The following TAOK1 variants were observed in gnomAD, a reference collection of about 807,000 sequenced individuals.
TAOK1 encodes the protein TAO kinase 1.
Under a neutral mutation model 138.3 loss-of-function variants are expected in TAOK1, and 21 were observed. The observed-to-expected ratio is 0.15, with a 90% confidence interval of 0.11 to 0.22. The LOEUF is 0.22. TAOK1 is among the 10% of genes least tolerant of loss of function. The pLI, the probability that TAOK1 is intolerant of heterozygous loss-of-function variation, is 1.00. For missense variants in TAOK1, 651 were observed against 1,227.7 expected, an observed-to-expected ratio of 0.53 and a Z score of 7.02; for synonymous variants, 361 against 398.4, an observed-to-expected ratio of 0.91 and a Z score of 1.12.
At chr17:29,434,279 C>G (rs1054717157) in intron 1 of TAOK1, among the ~76,000 whole-genome samples, 3 of 152,018 alleles carry the variant, frequency 2.0e-5, no homozygotes, top group Non-Finnish European at 4.4e-5. Flanking sequence ...AGGGGAGTGT[C>G]TTGTAGTACA....
At chr17:29,395,824 A>ATT (rs1187461666) in intron 1 of TAOK1, among the ~76,000 whole-genome samples, 24,408 of 72,010 alleles carry the variant, frequency 0.34, 4,821 homozygotes, top group East Asian at 0.75. Flanking sequence ...CGTCTGGCTA[A>ATT]TTTTTTTTTT....
At chr17:29,466,032 G>A (rs1405754549) in intron 2 of TAOK1, among the ~76,000 whole-genome samples, 3 of 151,800 alleles carry the variant, frequency 2.0e-5, no homozygotes, top group Non-Finnish European at 2.9e-5. Flanking sequence ...TACATTTAGC[G>A]TTAGGCCTGT....
chr17:29,529,636 C>T (rs943750288), intron 17 of TAOK1, among the ~76,000 whole-genome samples: 4 of 152,120 alleles, frequency 2.6e-5, no homozygotes, highest in African/African-American at 7.2e-5. Flanking sequence ...GAGGCCAAGG[C>T]AGGCAGATCA....
intron 1 of TAOK1, among the ~76,000 whole-genome samples, chr17:29,397,097 C>T (rs543437874): frequency 7.7e-4 from 114 of 148,158 alleles, no homozygotes; most frequent in Non-Finnish European, 1.3e-3. Context: ...GAGTTGCAGA[C>T]GAGCCTGGCC....
intron 13 of TAOK1, among the ~76,000 whole-genome samples, chr17:29,505,591 C>T (rs565708145): frequency 6.6e-6 from 1 of 151,558 alleles, no homozygotes; most frequent in Admixed American, 6.6e-5. Flanking sequence ...AATCCCAGCT[C>T]CTCGGGAGGT....
chr17:29,486,463 T>C (rs2031175989), intron 8 of TAOK1, among the ~76,000 whole-genome samples: 1 of 152,116 alleles, frequency 6.6e-6, no homozygotes, highest in African/African-American at 2.4e-5. Flanking sequence ...TGAAACCTCA[T>C]CTATACTAAA....
At chr17:29,499,441 AG>A (rs202067547) in intron 12 of TAOK1, among the ~76,000 whole-genome samples, 2,402 of 151,928 alleles carry the variant, frequency 0.016, 29 homozygotes, top group Admixed American at 0.028. Flanking sequence ...CATGTTGGCC[AG>A]GCTAGTCTCA....
intron 8 of TAOK1, among the ~76,000 whole-genome samples, chr17:29,482,641 G>C (rs1018005915): frequency 2.6e-5 from 4 of 151,776 alleles, no homozygotes; most frequent in African/African-American, 9.7e-5. Flanking sequence ...ATAACTAGCT[G>C]GGGTAGTTAC....
intron 14 of TAOK1, among the ~76,000 whole-genome samples, chr17:29,509,815 G>A (rs976015412): frequency 6.6e-6 from 1 of 151,822 alleles, no homozygotes; most frequent in Non-Finnish European, 1.5e-5. Context: ...AAGATCACTT[G>A]AGCTCAGGAG....
chr17:29,523,280 GA>G (rs754064179), intron 17 of TAOK1, among the ~76,000 whole-genome samples: 35 of 141,876 alleles, frequency 2.5e-4, no homozygotes, highest in Non-Finnish European at 2.5e-4. Context: ...CTACTAGTTA[GA>G]AAAAAAAAAA....
chr17:29,550,235 T>A lies in TAOK1; in HGVS notation c.*7213T>A, dbSNP rs1460541513. On this transcript the variant is annotated 3_prime_UTR_variant, in exon 20 of 20. Transcript: ENST00000261716. ...AAATTTGTTTTGTTTTGTTTTGTTA[T>A]TTTTTAGGGAACTCTTTTGCAAAAG... 1 of 152,224 alleles carries A rather than the reference T, an allele frequency of 6.6e-6. No homozygotes were observed. The highest frequency in any genetic ancestry group is 2.4e-5 in the African/African-American group (1 of 41,448). 9.4% of individuals were successfully genotyped at this position (152,224 alleles called of 1,614,324 possible). A position where few individuals can be genotyped will look rare whatever the true frequency, so the allele number is the denominator to read the frequency against.
At chr17:29,494,959 A>G (rs1160189727) in intron 10 of TAOK1, among the ~76,000 whole-genome samples, 1 of 152,142 alleles carries the variant, frequency 6.6e-6, no homozygotes, top group African/African-American at 2.4e-5. Context: ...ATTTATGAAA[A>G]GTATATTACA....
intron 13 of TAOK1, among the ~76,000 whole-genome samples, chr17:29,507,459 T>G (rs1326386038): frequency 6.6e-6 from 1 of 152,104 alleles, no homozygotes; most frequent in Admixed American, 6.6e-5. Context: ...GGTTTATTTG[T>G]TTTTTCCTAT....
Position 29,491,779 on chromosome 17 carries a change from A to G in TAOK1, c.750-5A>G. 4 of 1,609,420 alleles carry G rather than the reference A, an allele frequency of 2.5e-6. No homozygotes were observed. Among genetic ancestry groups the G allele is most frequent in the Non-Finnish European group, 2.6e-6 (3 of 1,175,944 alleles). On this transcript the variant is annotated splice_polypyrimidine_tract_variant and splice_region_variant and intron_variant, in intron 9 of 19. Transcript: ENST00000261716. ...GTGTTCACTTGATACTTTCCTTTAC[A>G]ATAGGTCTGATTATTTTCGCAACTT...
chr17:29,392,364 C>T (rs1031555894), intron 1 of TAOK1, among the ~76,000 whole-genome samples: 4 of 152,066 alleles, frequency 2.6e-5, no homozygotes, highest in African/African-American at 9.7e-5. Context: ...ACAAACCTTT[C>T]TGCAGCTGTT....
intron 1 of TAOK1, among the ~76,000 whole-genome samples, chr17:29,450,998 T>G (rs2030217272): frequency 6.6e-6 from 1 of 152,232 alleles, no homozygotes; most frequent in African/African-American, 2.4e-5. Context: ...ATACATTACT[T>G]TCTCCCACTA....
chr17:29,432,729 C>T (rs7215228), intron 1 of TAOK1, among the ~76,000 whole-genome samples: 94,032 of 151,610 alleles, frequency 0.62, 30,360 homozygotes, highest in East Asian at 0.97. Context: ...CCCACCTTGG[C>T]CTCCCAAAGT....
At chr17:29,505,272 T>C (rs2031609401) in intron 13 of TAOK1, among the ~76,000 whole-genome samples, 1 of 152,172 alleles carries the variant, frequency 6.6e-6, no homozygotes, top group South Asian at 2.1e-4. Flanking sequence ...AGGTATTCAA[T>C]TTGAAGAGTT....
chr17:29,450,590 C>T (rs1442996410), intron 1 of TAOK1, among the ~76,000 whole-genome samples: 1 of 152,146 alleles, frequency 6.6e-6, no homozygotes, highest in Non-Finnish European at 1.5e-5. Context: ...TAGCTCACTG[C>T]AACCTTGACC....
Sources: allele counts gnomAD v4.1 joint callset (sites outside exome capture counted in the v4.1 genomes callset), GRCh38; gene constraint gnomAD v4.1.1; transcripts MANE v1.5; gene names NCBI Gene and HGNC (gene_info 2026-07-23, HGNC 2026-07-21).